The following ULK4 variants were observed in gnomAD, a reference collection of about 807,000 sequenced individuals.
The protein encoded by ULK4 is unc-51 like kinase 4.
A neutral mutation model predicts 160.6 loss-of-function variants in ULK4; 133 were observed. That is an observed-to-expected ratio of 0.83 (90% CI 0.72 to 0.96). The LOEUF (loss-of-function observed/expected upper bound fraction) is 0.96. Among genes scored for constraint, ULK4 ranks in the 40% least tolerant of loss-of-function variants. ULK4 has a pLI of 0.00. For synonymous variants in ULK4, 534 were observed against 539.8 expected (o/e 0.99, Z 0.15); for missense variants, 1,580 against 1,499.5 (o/e 1.05, Z -0.89).
chr3:41,834,280 T>G (rs2041688643), intron 18 of ULK4, among the ~76,000 whole-genome samples: 1 of 151,958 alleles, frequency 6.6e-6, no homozygotes, highest in South Asian at 2.1e-4. Flanking sequence ...CAAAATTTTT[T>G]TATATATTAA....
chr3:41,640,955 T>C (rs2034162048), intron 30 of ULK4, among the ~76,000 whole-genome samples: 1 of 152,210 alleles, frequency 6.6e-6, no homozygotes, highest in Non-Finnish European at 1.5e-5. Context: ...TCTAAAGCTA[T>C]CCTTCATTCC....
chr3:41,693,204 A>T (rs1329894075), intron 27 of ULK4, among the ~76,000 whole-genome samples: 2 of 152,248 alleles, frequency 1.3e-5, no homozygotes, highest in African/African-American at 4.8e-5. Context: ...TGTCGAAACT[A>T]GCATTCTCAT....
chr3:41,506,767 A>AAAAAAAAAAAAATATATATATAAATATAC lies in ULK4; in HGVS notation c.3227-43515_3227-43514insGTATATTTATATATATATTTTTTTTTTTT. ...AGCAATACACTGGAGTGTGATTTAA[A>AAAAAAAAAAAAATATATATATAAATATAC]ATATATATATATATATATATATATA... On this transcript the variant is annotated intron_variant, in intron 32 of 36. Coordinates refer to ENST00000301831, the MANE Select transcript of ULK4 (RefSeq NM_017886.4). Among the ~76,000 whole-genome samples, 5 of 56,766 alleles carry AAAAAAAAAAAAATATATATATAAATATAC rather than the reference A, an allele frequency of 8.8e-5. 1 individual carries two copies. Among genetic ancestry groups the AAAAAAAAAAAAATATATATATAAATATAC allele is most frequent in the Non-Finnish European group, 1.6e-4 (5 of 31,988 alleles). The allele number at this position is 56,766 out of a possible 152,430, so 37.2% of individuals were successfully genotyped here. A position where few individuals can be genotyped will look rare whatever the true frequency, so the allele number is the denominator to read the frequency against.
chr3:41,305,109 G>C (rs2079879504), intron 35 of ULK4, among the ~76,000 whole-genome samples: 1 of 152,310 alleles, frequency 6.6e-6, no homozygotes, highest in African/African-American at 2.4e-5. Flanking sequence ...ATAGGAATGA[G>C]GACAGAAGCC....
chr3:41,462,071 T>C (rs559193125), intron 33 of ULK4, among the ~76,000 whole-genome samples: 1 of 152,280 alleles, frequency 6.6e-6, no homozygotes, highest in Non-Finnish European at 1.5e-5. Flanking sequence ...GGCTTTACAG[T>C]TTGGGTTTAA....
intron 29 of ULK4, among the ~76,000 whole-genome samples, chr3:41,675,176 G>T (rs969914642): frequency 1.3e-5 from 2 of 151,876 alleles, no homozygotes; most frequent in South Asian, 4.2e-4. Context: ...GGAAATGGAG[G>T]TTGCAATGAG....
At chr3:41,614,643 G>T (rs879768821) in intron 31 of ULK4, among the ~76,000 whole-genome samples, 1 of 152,032 alleles carries the variant, frequency 6.6e-6, no homozygotes, top group Non-Finnish European at 1.5e-5. Flanking sequence ...AACATGCTTT[G>T]GGAATAGTAC....
intron 2 of ULK4, among the ~76,000 whole-genome samples, chr3:41,948,216 C>T (rs949993604): frequency 6.6e-6 from 1 of 152,054 alleles, no homozygotes; most frequent in African/African-American, 2.4e-5. Context: ...TTCGGGAGGT[C>T]GAGGTGGGCG....
At chr3:41,905,688 A>G (rs2148796747) in intron 12 of ULK4, among the ~76,000 whole-genome samples, 1 of 152,350 alleles carries the variant, frequency 6.6e-6, no homozygotes, top group South Asian at 2.1e-4. Context: ...TTCTCCAAAG[A>G]AAATAGACAA....
chr3:41,316,361 T>C (rs1469317769), intron 35 of ULK4, among the ~76,000 whole-genome samples: 1 of 152,170 alleles, frequency 6.6e-6, no homozygotes, highest in African/African-American at 2.4e-5. Flanking sequence ...CTAAAAACCA[T>C]TGAGTTGTAC....
Position 41,921,614 on chromosome 3 carries a change from C to CTAAATAAA in ULK4, c.542-1804_542-1797dup, listed in dbSNP as rs144668074. Among the ~76,000 whole-genome samples the CTAAATAAA allele has an allele frequency of 9.9e-4, 151 of 151,866 alleles. 2 individuals carry two copies. Among genetic ancestry groups the CTAAATAAA allele is most frequent in the African/African-American group, 3.6e-3 (149 of 41,360 alleles). ...TGGACAACAGAGCGAGACTCCGTCT[C>CTAAATAAA]TAAATAAATAAATAAATAAATGTGG... is the stretch of plus-strand genomic sequence containing the variant. On this transcript the variant is annotated intron_variant, in intron 5 of 36. Transcript: ENST00000301831.
In ULK4 at chr3:41,271,116, G is replaced by A. The variant is rs149176893; in HGVS notation, c.3679-21542C>T. On this transcript the variant is annotated intron_variant, in intron 35 of 36. Coordinates refer to ENST00000301831, the MANE Select transcript of ULK4 (RefSeq NM_017886.4). ...TATAGTAAACTATACAATTTGCTAA[G>A]TTTGGATATACGTATACAATTGTGA... Among the ~76,000 whole-genome samples the A allele has an allele frequency of 5.3e-3, 807 of 152,154 alleles. 7 individuals carry two copies. Among genetic ancestry groups the A allele is most frequent in the African/African-American group, 0.018 (756 of 41,486 alleles).
Position 41,379,247 on chromosome 3 carries a change from C to T in ULK4, c.3678+18832G>A, listed in dbSNP as rs184730690. 2.1e-3 allele frequency among the ~76,000 whole-genome samples: 314 copies of T among 151,756 alleles called. 1 individual carries two copies. The highest frequency in any genetic ancestry group is 3.6e-3 in the Non-Finnish European group (247 of 67,896). On this transcript the variant is annotated intron_variant, in intron 35 of 36. Coordinates refer to ENST00000301831, the MANE Select transcript of ULK4 (RefSeq NM_017886.4). Reference sequence around the variant, plus strand: ...AAAGAAAAAAAAAGTGTTCAGTATCCTAAAAAATACATGTACTGTATGGAA... The same window carrying T: ...AAAGAAAAAAAAAGTGTTCAGTATCTTAAAAAATACATGTACTGTATGGAA...
chr3:41,572,920 G>A (rs764300821), intron 31 of ULK4, among the ~76,000 whole-genome samples: 18 of 152,126 alleles, frequency 1.2e-4, no homozygotes, highest in Non-Finnish European at 2.4e-4. Context: ...GTTCGCACTG[G>A]CTGATGGGGA....
chr3:41,300,206 C>T (rs1315342347), intron 35 of ULK4, among the ~76,000 whole-genome samples: 1 of 152,156 alleles, frequency 6.6e-6, no homozygotes, highest in Non-Finnish European at 1.5e-5. Context: ...AACCATTGAG[C>T]TGTCTGATTT....
At chr3:41,714,852 T>TAGAAAAA (rs533759904) in intron 25 of ULK4, among the ~76,000 whole-genome samples, 1 of 131,358 alleles carries the variant, frequency 7.6e-6, no homozygotes, top group Non-Finnish European at 1.5e-5. Flanking sequence ...ACTCTGTCTT[T>TAGAAAAA]AAAAAAAAAA....
chr3:41,803,023 G>A (rs1050553599), intron 19 of ULK4, among the ~76,000 whole-genome samples: 6 of 151,996 alleles, frequency 3.9e-5, no homozygotes, highest in Non-Finnish European at 5.9e-5. Context: ...AAATTAGCTG[G>A]GCATGGTGGC....
chr3:41,289,004 G>A (rs1432682153), intron 35 of ULK4, among the ~76,000 whole-genome samples: 2 of 152,210 alleles, frequency 1.3e-5, no homozygotes, highest in Non-Finnish European at 2.9e-5. Context: ...GGAGCACACA[G>A]TGGGTGTGGA....
At chr3:41,825,650 G>C (rs569829144) in intron 18 of ULK4, among the ~76,000 whole-genome samples, 11 of 152,262 alleles carry the variant, frequency 7.2e-5, no homozygotes, top group Admixed American at 6.5e-4. Flanking sequence ...CAAGAAATAC[G>C]GGACTATGTG....
Sources: gnomAD v4.1 joint callset for allele counts (sites outside exome capture counted in the v4.1 genomes callset) on GRCh38, gnomAD v4.1.1 for gene constraint, MANE v1.5 for transcripts, NCBI Gene and HGNC (gene_info 2026-07-23, HGNC 2026-07-21) for gene names.